Variants in ZNF8 observed in about 807,000 individuals in gnomAD.
The protein encoded by ZNF8 is zinc finger protein 8, also known as zinc finger protein 272.
In ZNF8, 9 loss-of-function variants were observed where a neutral mutation model predicts 12.2. The ratio of observed to expected loss-of-function variants is 0.73; its 90% CI spans 0.44 to 1.28. The LOEUF is 1.28. ZNF8 is among the 50% of genes most tolerant of loss of function. ZNF8 has a pLI of 0.00. For missense variants in ZNF8, 664 were observed against 729.1 expected, an observed-to-expected ratio of 0.91 and a Z score of 1.03; for synonymous variants, 274 against 282.3, an observed-to-expected ratio of 0.97 and a Z score of 0.30.
rs371734513 is a variant in ZNF8, at chr19:58,296,395, CTTTTT to C, written c.*863_*867del. 4 of 151,912 alleles carry C rather than the reference CTTTTT, an allele frequency of 2.6e-5. No homozygotes were observed. The highest frequency in any genetic ancestry group is 9.7e-5 in the African/African-American group (4 of 41,348). The allele number at this position is 151,912 out of a possible 1,614,324, so 9.4% of individuals were successfully genotyped here. ...CTGGTGTTGCTATGAGCCAGAAGTT[CTTTTT>C]TTTGTTTTTTGTCTGAGATGGAGTC... On this transcript the variant is annotated 3_prime_UTR_variant, in exon 4 of 4. Coordinates refer to ENST00000621650, the MANE Select transcript of ZNF8 (RefSeq NM_021089.3).
At position 58,294,071 on chromosome 19, in the gene ZNF8, C is replaced by T; in HGVS notation, c.290-27C>T. On this transcript the variant is annotated intron_variant, in intron 3 of 3. Coordinates refer to ENST00000621650, the MANE Select transcript of ZNF8 (RefSeq NM_021089.3). This position sits in a 1 kb window ranked among gnomAD's most constrained non-coding sequence, Gnocchi z 5.5. ...CCCTTCCGTTTTTTTCTCCCAACAG[C>T]TCAGAGATCTTTGGGTTTTCTTTCA... 3.8e-6 allele frequency: 6 copies of T among 1,574,508 alleles called. No individual in the cohort carries two copies. The highest frequency in any genetic ancestry group is 5.2e-6 in the Non-Finnish European group (6 of 1,157,004).
Position 58,300,254 on chromosome 19 carries a change from G to A in ZNF8, c.*4718G>A, listed in dbSNP as rs1046768896. 4.6e-5 allele frequency: 7 copies of A among 152,234 alleles called. No homozygotes were observed. Among genetic ancestry groups the A allele is most frequent in the African/African-American group, 1.7e-4 (7 of 41,454 alleles). The allele number at this position is 152,234 out of a possible 1,614,324, so 9.4% of individuals were successfully genotyped here. On this transcript the variant is annotated 3_prime_UTR_variant, in exon 4 of 4. Coordinates refer to ENST00000621650, the MANE Select transcript of ZNF8 (RefSeq NM_021089.3). ...CCAGCTGACCATGGCTTAAACAGAT[G>A]AGGCTTTGTTCAAAGGCTGTCTTTT...
At chr19:58,286,047 G>T (rs1287282825) in intron 2 of ZNF8, 63 bp from the exon 3 acceptor site, 1 of 1,549,014 alleles carries the variant, frequency 6.5e-7, no homozygotes, top group Non-Finnish European at 8.8e-7. Context: ...CTGGTCTGGA[G>T]CCTGGGCTTG....
intron 1 of ZNF8, among the ~76,000 whole-genome samples, chr19:58,281,618 C>T (rs574963187): frequency 5.3e-5 from 8 of 152,078 alleles, no homozygotes; most frequent in Admixed American, 2.6e-4. Context: ...GCAGGAGGCA[C>T]GGGAAGCACA....
chr19:58,282,272 C>T (rs939496657), intron 1 of ZNF8, among the ~76,000 whole-genome samples: 2 of 152,040 alleles, frequency 1.3e-5, no homozygotes, highest in East Asian at 3.9e-4. Flanking sequence ...ATTTGTGTAT[C>T]TTCTTTTATA....
At chr19:58,286,244 C>T in intron 3 of ZNF8, 39 bp downstream of exon 3, 4 of 1,578,746 alleles carry the variant, frequency 2.5e-6, no homozygotes, top group Non-Finnish European at 3.5e-6. Flanking sequence ...ATGGGAGCAG[C>T]CTAGCAGGTC....
chr19:58,290,076 G>A (rs565738950), intron 3 of ZNF8, among the ~76,000 whole-genome samples: 28 of 147,200 alleles, frequency 1.9e-4, no homozygotes, highest in East Asian at 1.0e-3. Flanking sequence ...GATTAAAGGC[G>A]TGAGCCACCG....
intron 1 of ZNF8, 153 bp downstream of exon 1, chr19:58,279,300 C>G (rs1416625583): frequency 6.6e-7 from 1 of 1,508,242 alleles, no homozygotes; most frequent in Non-Finnish European, 8.9e-7. Context: ...GCGTGGTGAC[C>G]GTCCTGGCTG....
At chr19:58,283,745 G>A (rs555682775) in intron 1 of ZNF8, among the ~76,000 whole-genome samples, 17 of 151,534 alleles carry the variant, frequency 1.1e-4, no homozygotes, top group Admixed American at 8.6e-4. Flanking sequence ...AACTACAGAC[G>A]CCCACCACCA....
In ZNF8 at chr19:58,296,156, T is replaced by C. The variant is rs1228157135; in HGVS notation, c.*620T>C. ...AATTAGTTTGTGCTTATGTGTGAAG[T>C]CCAGTTAGGTTCTCAGTTCATACCC... On this transcript the variant is annotated 3_prime_UTR_variant, in exon 4 of 4. Transcript: ENST00000621650. 1 of 152,502 alleles carries C rather than the reference T, an allele frequency of 6.6e-6. No homozygotes were observed. Among genetic ancestry groups the C allele is most frequent in the Non-Finnish European group, 1.5e-5 (1 of 68,286 alleles). 9.4% of individuals were successfully genotyped at this position (152,502 alleles called of 1,614,324 possible).
chr19:58,284,483 C>T (rs1356837863), intron 1 of ZNF8, among the ~76,000 whole-genome samples: 3 of 152,222 alleles, frequency 2.0e-5, no homozygotes, highest in Non-Finnish European at 4.4e-5. Context: ...GGCTTTCAAG[C>T]ATGGCTGCAG....
intron 3 of ZNF8, among the ~76,000 whole-genome samples, chr19:58,287,337 CT>C (rs35511685): frequency 6.5e-4 from 76 of 117,790 alleles, no homozygotes; most frequent in Admixed American, 1.5e-3. Context: ...CCATGCCCAG[CT>C]TTTTTTTTTT....
rs73941808 is a variant in ZNF8, at chr19:58,286,430, A to G, written c.289+225A>G. 939 of 434,500 alleles carry G rather than the reference A, an allele frequency of 2.2e-3. 11 individuals carry two copies. Among genetic ancestry groups the G allele is most frequent in the African/African-American group, 0.017 (826 of 49,900 alleles). 26.9% of individuals were successfully genotyped at this position (434,500 alleles called of 1,614,324 possible). ...CAGAGGAAGCCAGGCATGAGCCTCC[A>G]GAGTCCCCTCACTGTGGAGTCATTC... On this transcript the variant is annotated intron_variant, in intron 3 of 3. Coordinates refer to ENST00000621650, the MANE Select transcript of ZNF8 (RefSeq NM_021089.3).
rs1799440811 is a variant in ZNF8 at position 58,299,034 on chromosome 19, CTG to C, written c.*3499_*3500del. ...CTACATTGCCTAGGCCAGTTTCAAA[CTG>C]GGCTCAAGCGATCCTCCCACCTTGG... On this transcript the variant is annotated 3_prime_UTR_variant, in exon 4 of 4. Transcript: ENST00000621650. The C allele has an allele frequency of 1.3e-5, 2 of 152,026 alleles. No homozygotes were observed. Among genetic ancestry groups the C allele is most frequent in the African/African-American group, 2.4e-5 (1 of 41,348 alleles). The allele number at this position is 152,026 out of a possible 1,614,324, so 9.4% of individuals were successfully genotyped here.
Position 58,298,536 on chromosome 19 carries a change from G to C in ZNF8, c.*3000G>C, listed in dbSNP as rs997669879. On this transcript the variant is annotated 3_prime_UTR_variant, in exon 4 of 4. Transcript: ENST00000621650. The stretch of plus-strand genomic sequence containing the variant: ...GATGGGGTTTTACCATGTTGGCCAG[G>C]CTGGTCTCAAACTCATGACCTCAAG... 6.6e-6 allele frequency: 1 copy of C among 151,340 alleles called. No individual in the cohort carries two copies. Among genetic ancestry groups the C allele is most frequent in the East Asian group, 1.9e-4 (1 of 5,132 alleles). 9.4% of individuals were successfully genotyped at this position (151,340 alleles called of 1,614,324 possible).
At chr19:58,292,625 T>C (rs2051426689) in intron 3 of ZNF8, among the ~76,000 whole-genome samples, 1 of 152,224 alleles carries the variant, frequency 6.6e-6, no homozygotes, top group South Asian at 2.1e-4. Flanking sequence ...ACTTTCTCTC[T>C]CTATGGATTT....
Position 58,296,289 on chromosome 19 carries a change from C to G in ZNF8, c.*753C>G, listed in dbSNP as rs1263211866. ...CCTGCCCACATTTCAACCACACCCC[C>G]AACCCAATTACGTGACCAGCCCCCA... On this transcript the variant is annotated 3_prime_UTR_variant, in exon 4 of 4. Transcript: ENST00000621650. 6.6e-6 allele frequency: 1 copy of G among 152,272 alleles called. No homozygotes were observed. Among genetic ancestry groups the G allele is most frequent in the East Asian group, 1.9e-4 (1 of 5,196 alleles). 9.4% of individuals were successfully genotyped at this position (152,272 alleles called of 1,614,324 possible). A position where few individuals can be genotyped will look rare whatever the true frequency, so the allele number is the denominator to read the frequency against.
At chr19:58,293,681 C>G (rs901171601) in intron 3 of ZNF8, among the ~76,000 whole-genome samples, 2 of 152,118 alleles carry the variant, frequency 1.3e-5, no homozygotes, top group Non-Finnish European at 1.5e-5. Flanking sequence ...GTGCTCAGCT[C>G]TAGAGGTGAA....
Position 58,300,502 on chromosome 19 carries a change from C to T in ZNF8, c.*4966C>T, listed in dbSNP as rs1568530071. ...TTAGTCTCACTGGCCACAGATGGGTCAGGGGGCCACCCCTAATAACAACGG... is the reference window on the plus strand; with the variant it reads ...TTAGTCTCACTGGCCACAGATGGGTTAGGGGGCCACCCCTAATAACAACGG... On this transcript the variant is annotated 3_prime_UTR_variant, in exon 4 of 4. Coordinates refer to ENST00000621650, the MANE Select transcript of ZNF8 (RefSeq NM_021089.3). 6.6e-6 allele frequency: 1 copy of T among 152,298 alleles called. No homozygotes were observed. The highest frequency in any genetic ancestry group is 1.5e-5 in the Non-Finnish European group (1 of 68,104). 9.4% of individuals were successfully genotyped at this position (152,298 alleles called of 1,614,324 possible). A position where few individuals can be genotyped will look rare whatever the true frequency, so the allele number is the denominator to read the frequency against.
Sources: gnomAD v4.1 joint callset for allele counts (sites outside exome capture counted in the v4.1 genomes callset) on GRCh38, gnomAD v4.1.1 for gene constraint, Gnocchi (gnomAD v3.1) non-coding constraint, MANE v1.5 for transcripts, NCBI Gene and HGNC (gene_info 2026-07-23, HGNC 2026-07-21) for gene names.